Variants in CPNE7 observed in about 807,000 individuals in gnomAD.
CPNE7 encodes the protein copine-7.
CPNE7 carries 78 observed loss-of-function variants against 66.5 expected under a neutral mutation model. The ratio of observed to expected loss-of-function variants is 1.17; its 90% CI spans 0.98 to 1.42. The LOEUF (loss-of-function observed/expected upper bound fraction) is 1.42. Ranked by LOEUF, CPNE7 falls within the 40% of genes most tolerant of loss-of-function variation. The pLI is 0.00. For missense variants in CPNE7, 1,012 were observed against 776.6 expected (o/e 1.30, Z -3.60); for synonymous variants, 468 against 336.7 (o/e 1.39, Z -4.27).
Position 89,577,543 on chromosome 16 carries a change from G to C in CPNE7, c.179G>C (p.Gly60Ala), listed in dbSNP as rs1253383183. 5 of 1,551,374 alleles carry C rather than the reference G, an allele frequency of 3.2e-6. No homozygotes were observed. Among genetic ancestry groups the C allele is most frequent in the Non-Finnish European group, 4.4e-6 (5 of 1,146,898 alleles). The change falls in exon 2 of 15, where the codon GGC becomes GCC. Residue 60 changes from glycine (G) to alanine (A), a missense_variant. Physicochemically the swap from Gly to Ala is moderately conservative, Grantham distance 60. Transcript: ENST00000319518. ...QQAQGQWVQVGRTEVVRSSLH... is the reference protein window; with the variant it reads ...QQAQGQWVQVARTEVVRSSLH... ...GGCTCACAGGTGCACTTGCAGGTGG[G>C]CAGAACCGAGGTGGTCCGGAGCAGC... is the stretch of plus-strand genomic sequence containing the variant.
intron 14 of CPNE7, chr16:89,595,839 A>G (rs770562225): frequency 1.5e-6 from 1 of 660,206 alleles, no homozygotes; most frequent in South Asian, 1.5e-5. Context: ...AGCAGAGAAC[A>G]GCACAAGGGG....
chr16:89,591,511 T>C (rs2059168857), intron 13 of CPNE7, among the ~76,000 whole-genome samples: 1 of 152,218 alleles, frequency 6.6e-6, no homozygotes, highest in South Asian at 2.1e-4. Flanking sequence ...GCCCCTCTCC[T>C]CTTCCTCTGG....
intron 2 of CPNE7, among the ~76,000 whole-genome samples, chr16:89,581,254 G>A (rs1008983635): frequency 1.5e-5 from 2 of 131,548 alleles, no homozygotes; most frequent in African/African-American, 3.1e-5. Flanking sequence ...CGGAACATCC[G>A]ATCACCCGTC....
intron 8 of CPNE7, 142 bp downstream of exon 8, chr16:89,586,898 A>T: frequency 9.2e-7 from 1 of 1,088,416 alleles, no homozygotes; most frequent in Non-Finnish European, 1.4e-6. Flanking sequence ...GGGAAGGGCG[A>T]GGTTGGGGAG....
rs551788457 is a variant in CPNE7, at chr16:89,595,462, C to T, written c.1398C>T (p.Ser466=). 4.3e-6 allele frequency: 7 copies of T among 1,612,422 alleles called. No individual in the cohort carries two copies. The highest frequency in any genetic ancestry group is 1.3e-5 in the African/African-American group (1 of 75,062). Reference sequence around the variant, plus strand: ...TGCGTGCCTCACGCCTGCCCATGTCCATCATCATCGTGGGCGTGGGCAACG... The same window carrying T: ...TGCGTGCCTCACGCCTGCCCATGTCTATCATCATCGTGGGCGTGGGCAACG... ...AIVRASRLPM[S]IIIVGVGNAD... is the part of the protein sequence containing the mutation. The change falls in exon 14 of 15, where the codon TCC becomes TCT. Residue 466 remains serine, a synonymous_variant. Coordinates refer to ENST00000319518, the MANE Select transcript of CPNE7 (RefSeq NM_153636.3).
Position 89,595,529 on chromosome 16 carries a change from G to T in CPNE7, c.1465G>T (p.Val489Phe). ...GCAGGTCCTGGACGGCGACGACGGC[G>T]TCCTGCGCTCCCCACGGGGTGAGCC... ...DMQVLDGDDG[V>F]LRSPRGEPAL... The change falls in exon 14 of 15, where the codon GTC (valine) becomes TTC (phenylalanine). Residue 489 changes from valine to phenylalanine, a missense_variant. Transcript: ENST00000319518. 1 of 1,612,570 alleles carries T rather than the reference G, an allele frequency of 6.2e-7. No homozygotes were observed. Among genetic ancestry groups the T allele is most frequent in the East Asian group, 2.2e-5 (1 of 44,874 alleles).
At position 89,583,727 on chromosome 16, in the gene CPNE7, C is replaced by G; in HGVS notation, c.388C>G (p.Leu130Val). ...IVAQKKVTRP[L>V]LLKFGRNAGK... ...GGCCCAGAAGAAGGTGACCCGCCCGCTGCTGCTCAAGTTTGGCAGGAACGC... is the reference window on the plus strand; with the variant it reads ...GGCCCAGAAGAAGGTGACCCGCCCGGTGCTGCTCAAGTTTGGCAGGAACGC... Residue 130 changes from leucine to valine, a missense_variant, in exon 3 of 15, where the codon CTG becomes GTG. Transcript: ENST00000319518. 6.2e-7 allele frequency: 1 copy of G among 1,612,830 alleles called. No individual in the cohort carries two copies. Among genetic ancestry groups the G allele is most frequent in the Non-Finnish European group, 8.5e-7 (1 of 1,179,920 alleles).
chr16:89,587,444 C>G (rs1335622779), intron 9 of CPNE7: 6 of 405,938 alleles, frequency 1.5e-5, no homozygotes, highest in Non-Finnish European at 3.0e-5. Flanking sequence ...CCTGGGGGTC[C>G]TCCCTTTTGC....
intron 5 of CPNE7, among the ~76,000 whole-genome samples, chr16:89,585,140 G>C (rs1364466609): frequency 3.3e-5 from 5 of 152,230 alleles, no homozygotes; most frequent in Non-Finnish European, 7.3e-5. Context: ...AGCGACGGCA[G>C]GGAGAGAGTG....
At chr16:89,587,181 GC>G (rs1261387387) in intron 9 of CPNE7, 79 bp downstream of exon 9, 18 of 588,084 alleles carry the variant, frequency 3.1e-5, no homozygotes, top group South Asian at 2.3e-4. Context: ...CCGTGGCCCC[GC>G]CCCTCCCCGC....
At chr16:89,577,401 A>G (rs1292242580) in intron 1 of CPNE7, 138 bp from the exon 2 acceptor site, 1 of 839,464 alleles carries the variant, frequency 1.2e-6, no homozygotes, top group African/African-American at 1.7e-5. Flanking sequence ...CCATGGACAG[A>G]GAGCAGGCAG....
In CPNE7 at chr16:89,576,169, G is replaced by A. The variant is rs2058855896; in HGVS notation, c.174+98G>A. 4.6e-6 allele frequency: 5 copies of A among 1,082,764 alleles called. No individual in the cohort carries two copies. In the South Asian group the frequency reaches 1.7e-4, roughly 37 times the overall value. The allele number at this position is 1,082,764 out of a possible 1,614,324, so 67.1% of individuals were successfully genotyped here. On this transcript the variant is annotated intron_variant, in intron 1 of 14. Transcript: ENST00000319518. ...GAGCGGGCGCGCTGAGGCCAGTGGG[G>A]CGCAAGGCGGGGCCCCCCGGAGCTG...
chr16:89,591,480 G>A (rs1333148946), intron 13 of CPNE7, among the ~76,000 whole-genome samples: 1 of 152,232 alleles, frequency 6.6e-6, no homozygotes, highest in Non-Finnish European at 1.5e-5. Flanking sequence ...ACACGGTCAC[G>A]GCCATGGCTG....
intron 11 of CPNE7, 151 bp downstream of exon 11, chr16:89,590,102 C>T (rs1240891228): frequency 7.9e-6 from 7 of 888,506 alleles, no homozygotes; most frequent in Admixed American, 2.6e-5. Context: ...CCCCAGCCTT[C>T]TAGCCAGAGA....
intron 9 of CPNE7, chr16:89,587,632 C>T (rs761135457): frequency 4.0e-5 from 18 of 449,810 alleles, no homozygotes; most frequent in African/African-American, 3.4e-4. Flanking sequence ...ATCCAAGGAG[C>T]CCGGCACAGA....
At position 89,575,815 on chromosome 16, in the gene CPNE7, C is replaced by T. The variant is rs1038552569; in HGVS notation, c.-83C>T. On this transcript the variant is annotated 5_prime_UTR_variant, in exon 1 of 15. Coordinates refer to ENST00000319518, the MANE Select transcript of CPNE7 (RefSeq NM_153636.3). ...AGCGCGGCCACGCCTGGGCCGGCCACCATTTCCCGGGCGCCGCGGCGGCGC... is the reference window on the plus strand; with the variant it reads ...AGCGCGGCCACGCCTGGGCCGGCCATCATTTCCCGGGCGCCGCGGCGGCGC... 277 of 1,023,384 alleles carry T rather than the reference C, an allele frequency of 2.7e-4. 3 individuals are homozygous for T. In the South Asian group the frequency reaches 5.8e-3, roughly 22 times the overall value. 63.4% of individuals were successfully genotyped at this position (1,023,384 alleles called of 1,614,324 possible). A position where few individuals can be genotyped will look rare whatever the true frequency, so the allele number is the denominator to read the frequency against.
intron 2 of CPNE7, among the ~76,000 whole-genome samples, chr16:89,581,874 G>C (rs955956581): frequency 1.1e-4 from 16 of 152,270 alleles, no homozygotes; most frequent in Non-Finnish European, 2.4e-4. Flanking sequence ...TTGAACTCCC[G>C]GGCTCACCGA....
chr16:89,578,558 G>A (rs1332193778), intron 2 of CPNE7, among the ~76,000 whole-genome samples: 7 of 151,724 alleles, frequency 4.6e-5, no homozygotes, highest in Admixed American at 2.0e-4. Flanking sequence ...TCAGGAGTTC[G>A]AGACCAGCCT....
rs895477442 is a variant in CPNE7 at position 89,596,776 on chromosome 16, T to C, written c.*155T>C. On this transcript the variant is annotated 3_prime_UTR_variant, in exon 15 of 15. Transcript: ENST00000319518. ...CAGTCCTCCTGGGATCCTGCTGGCT[T>C]GGGCCCGGCTCTGGGGCCCCCAAGG... 1.3e-5 allele frequency: 14 copies of C among 1,052,264 alleles called. No homozygotes were observed. Among genetic ancestry groups the C allele is most frequent in the Non-Finnish European group, 1.8e-5 (14 of 786,940 alleles). The allele number at this position is 1,052,264 out of a possible 1,614,324, so 65.2% of individuals were successfully genotyped here.
Sources: allele counts gnomAD v4.1 joint callset (sites outside exome capture counted in the v4.1 genomes callset), GRCh38; gene constraint gnomAD v4.1.1; transcripts MANE v1.5; gene names NCBI Gene and HGNC (gene_info 2026-07-23, HGNC 2026-07-21).